TPRG1: variants seen among roughly 807,000 people sequenced by gnomAD.
The protein encoded by TPRG1 is tumor protein p63-regulated gene 1 protein.
In TPRG1, 29 loss-of-function variants were observed where a neutral mutation model predicts 29.3. The observed-to-expected ratio is 0.99, with a 90% CI of 0.74 to 1.35. The LOEUF (loss-of-function observed/expected upper bound fraction) is 1.35. Ranked by LOEUF, TPRG1 falls within the 40% of genes most tolerant of loss-of-function variation. The probability of loss-of-function intolerance (pLI) is 0.00; values close to 1 mark genes in which losing one functional copy is unlikely to be tolerated. For synonymous variants in TPRG1, 130 were observed against 116.8 expected (o/e 1.11, Z -0.73); for missense variants, 327 against 335.0 (o/e 0.98, Z 0.19).
intron 2 of TPRG1, among the ~76,000 whole-genome samples, chr3:189,128,942 G>A (rs957120822): frequency 2.6e-5 from 4 of 151,890 alleles, no homozygotes; most frequent in Non-Finnish European, 4.4e-5. Flanking sequence ...GCCCAACTCA[G>A]TTATCTTTTA....
At chr3:189,011,073 T>C (rs1486862309) in intron 3 of TPRG1, among the ~76,000 whole-genome samples, 1 of 152,186 alleles carries the variant, frequency 6.6e-6, no homozygotes, top group African/African-American at 2.4e-5. Flanking sequence ...CAGATGGTTA[T>C]AGGTGTGTGG....
chr3:189,116,906 A>G (rs1721242706), intron 1 of TPRG1, among the ~76,000 whole-genome samples: 1 of 152,244 alleles, frequency 6.6e-6, no homozygotes, highest in Non-Finnish European at 1.5e-5. Flanking sequence ...TACACCTAAA[A>G]GTGGTAAAGA....
At chr3:189,153,322 A>G (rs953081234) in intron 5 of TPRG1, among the ~76,000 whole-genome samples, 39 of 152,228 alleles carry the variant, frequency 2.6e-4, no homozygotes, top group African/African-American at 8.7e-4. Flanking sequence ...ATTTGGGTGC[A>G]TGTGGTTTAT....
chr3:189,243,290 G>A (rs1303175895), intron 4 of TPRG1, among the ~76,000 whole-genome samples: 1 of 152,152 alleles, frequency 6.6e-6, no homozygotes, highest in Non-Finnish European at 1.5e-5. Flanking sequence ...TCACTATTGT[G>A]AGGACAATAC....
At chr3:189,098,584 GT>G (rs1014696623), upstream of TPRG1, among the ~76,000 whole-genome samples, 7 of 151,384 alleles carry the variant, frequency 4.6e-5, no homozygotes, top group South Asian at 2.1e-4. Context: ...GTGTTCAGAG[GT>G]TTTTTTTTCC....
chr3:189,201,319 CTTTGTGGATAT>C (rs1733450141), intron 1 of TPRG1, among the ~76,000 whole-genome samples: 1 of 152,092 alleles, frequency 6.6e-6, no homozygotes, highest in South Asian at 2.1e-4. Context: ...ATTTCAAAAG[CTTTGTGGATAT>C]TATAGATACC....
chr3:189,064,127 T>C (rs903568364), intron 4 of TPRG1, among the ~76,000 whole-genome samples: 1 of 152,178 alleles, frequency 6.6e-6, no homozygotes, highest in African/African-American at 2.4e-5. Flanking sequence ...AAGTTCACAA[T>C]TTTCATTGTG....
chr3:189,072,472 G>A (rs1366273257), intron 4 of TPRG1, among the ~76,000 whole-genome samples: 1 of 151,900 alleles, frequency 6.6e-6, no homozygotes, highest in African/African-American at 2.4e-5. Context: ...TATTTTTTAT[G>A]ATAAAATGGA....
At chr3:189,263,331 A>G (rs563707232) in intron 4 of TPRG1, among the ~76,000 whole-genome samples, 94 of 152,332 alleles carry the variant, frequency 6.2e-4, no homozygotes, top group Admixed American at 1.8e-3. Flanking sequence ...TATGGGGTGA[A>G]TGTTTCAGGG....
upstream of TPRG1, among the ~76,000 whole-genome samples, chr3:189,170,378 T>C (rs1728672287): frequency 6.6e-6 from 1 of 152,098 alleles, no homozygotes; most frequent in Non-Finnish European, 1.5e-5. Flanking sequence ...ACCAATAACA[T>C]TTATACCCAA....
At chr3:189,197,711 G>A (rs1386230515) in intron 1 of TPRG1, among the ~76,000 whole-genome samples, 2 of 152,198 alleles carry the variant, frequency 1.3e-5, no homozygotes, top group Admixed American at 6.5e-5. Context: ...ATATTGGACA[G>A]GGCTGTGAAG....
intron 4 of TPRG1, among the ~76,000 whole-genome samples, chr3:189,083,440 G>A (rs1717736498): frequency 6.6e-6 from 1 of 152,228 alleles, no homozygotes; most frequent in Non-Finnish European, 1.5e-5. Context: ...CCTTGGGCCT[G>A]TCACGCCATC....
chr3:189,000,120 T>C (rs1435307945), intron 1 of TPRG1, among the ~76,000 whole-genome samples: 1 of 152,176 alleles, frequency 6.6e-6, no homozygotes, highest in South Asian at 2.1e-4. Context: ...AATTATGGAA[T>C]AGACTGAATG....
intron 3 of TPRG1, among the ~76,000 whole-genome samples, chr3:189,019,102 A>C (rs1407283935): frequency 6.6e-6 from 1 of 151,498 alleles, no homozygotes; most frequent in African/African-American, 2.4e-5. Context: ...ACTTTGCTGA[A>C]GTTGCTTATC....
chr3:189,063,165 T>C (rs1716225449), intron 4 of TPRG1, among the ~76,000 whole-genome samples: 1 of 151,934 alleles, frequency 6.6e-6, no homozygotes, highest in Admixed American at 6.6e-5. Context: ...AGAGAAAAAG[T>C]CACATTACAT....
At chr3:189,119,721 G>A (rs1219761000) in intron 1 of TPRG1, among the ~76,000 whole-genome samples, 1 of 152,186 alleles carries the variant, frequency 6.6e-6, no homozygotes, top group Non-Finnish European at 1.5e-5. Flanking sequence ...ATGTGAAGAA[G>A]GACATGTTTG....
chr3:189,262,771 A>G (rs1168483087), intron 4 of TPRG1, among the ~76,000 whole-genome samples: 1 of 152,194 alleles, frequency 6.6e-6, no homozygotes, highest in Non-Finnish European at 1.5e-5. Flanking sequence ...CAGAGCTTCA[A>G]TCAAAGTGTT....
chr3:189,318,907 G>T (rs942951040), intron 5 of TPRG1, among the ~76,000 whole-genome samples: 1 of 152,158 alleles, frequency 6.6e-6, no homozygotes, highest in South Asian at 2.1e-4. Context: ...CTAAAAATTA[G>T]AATTTTATAA....
chr3:189,268,354 G>A (rs1714490952), intron 4 of TPRG1, among the ~76,000 whole-genome samples: 1 of 152,122 alleles, frequency 6.6e-6, no homozygotes, highest in Non-Finnish European at 1.5e-5. Flanking sequence ...ATCTCCGTGG[G>A]GAGGCGTTCC....
Sources: gnomAD v4.1 joint callset for allele counts (sites outside exome capture counted in the v4.1 genomes callset) on GRCh38, gnomAD v4.1.1 for gene constraint, MANE v1.5 for transcripts, NCBI Gene and HGNC (gene_info 2026-07-23, HGNC 2026-07-21) for gene names.